The following RPA3 variants were observed in gnomAD, a reference collection of about 807,000 sequenced individuals.
RPA3 encodes the protein replication protein A 14 kDa subunit.
RPA3 carries 24 observed loss-of-function variants against 13.7 expected under a neutral mutation model. That is an observed-to-expected ratio of 1.75 (90% confidence interval 1.27 to 2.46). The LOEUF (loss-of-function observed/expected upper bound fraction) is 2.46, where lower values mean the gene tolerates loss of function less well. RPA3 is among the 30% of genes most tolerant of loss of function. The pLI is 0.00. For missense variants in RPA3, 183 were observed against 151.0 expected, an observed-to-expected ratio of 1.21 and a Z score of -1.11; for synonymous variants, 59 against 51.2, an observed-to-expected ratio of 1.15 and a Z score of -0.65.
intron 4 of RPA3, among the ~76,000 whole-genome samples, chr7:7,658,429 A>G (rs1785396731): frequency 6.6e-6 from 1 of 152,204 alleles, no homozygotes; most frequent in South Asian, 2.1e-4. Flanking sequence ...CCCATTCAGT[A>G]TGATATTGGC....
chr7:7,654,152 A>G (rs1375241296), intron 4 of RPA3, among the ~76,000 whole-genome samples: 1 of 152,204 alleles, frequency 6.6e-6, no homozygotes, highest in Non-Finnish European at 1.5e-5. Context: ...TAAAAAGAAA[A>G]CAAACACAGA....
At chr7:7,644,305 G>A (rs1015922863) in intron 4 of RPA3, among the ~76,000 whole-genome samples, 1 of 148,354 alleles carries the variant, frequency 6.7e-6, no homozygotes, top group Admixed American at 6.7e-5. Flanking sequence ...AATGGTACAA[G>A]TGTTGTCTGT....
At position 7,692,793 on chromosome 7, in the gene RPA3, A is replaced by G. The variant is rs557821266; in HGVS notation, c.-1027-5465T>C. Among the ~76,000 whole-genome samples, 308 of 152,168 alleles carry G rather than the reference A, an allele frequency of 2.0e-3. 2 individuals carry two copies. The Middle Eastern group carries it at 0.027, about 13-fold the overall frequency. On this transcript the variant is annotated intron_variant, in intron 2 of 7. Transcript: ENST00000223129. ...CCCAGCTAATTTTCGTATTTTTAGT[A>G]GAGACGGGGTTCACCATGTTGGTCA...
At chr7:7,677,541 A>G (rs540081876) in intron 4 of RPA3, among the ~76,000 whole-genome samples, 25 of 152,162 alleles carry the variant, frequency 1.6e-4, no homozygotes, top group Admixed American at 9.8e-4. Flanking sequence ...TTCACTTTAC[A>G]TGATCTCCTC....
At chr7:7,658,875 G>A (rs1207238757) in intron 4 of RPA3, among the ~76,000 whole-genome samples, 1 of 152,172 alleles carries the variant, frequency 6.6e-6, no homozygotes, top group African/African-American at 2.4e-5. Flanking sequence ...GTTTCAGAAG[G>A]AATGGTACCA....
chr7:7,693,408 G>T (rs891256137), intron 2 of RPA3, among the ~76,000 whole-genome samples: 1 of 151,784 alleles, frequency 6.6e-6, no homozygotes, highest in African/African-American at 2.4e-5. Context: ...CCTTCATTCT[G>T]CAATAGCTTA....
chr7:7,718,216 T>G (rs1220709780), intron 1 of RPA3, among the ~76,000 whole-genome samples: 1 of 152,208 alleles, frequency 6.6e-6, no homozygotes, highest in African/African-American at 2.4e-5. Context: ...GTAACTTGAA[T>G]GTGTTATTTT....
chr7:7,674,377 T>C (rs1364428433), intron 4 of RPA3, among the ~76,000 whole-genome samples: 1 of 152,186 alleles, frequency 6.6e-6, no homozygotes, highest in Non-Finnish European at 1.5e-5. Flanking sequence ...TTCCCTTAGA[T>C]TTAAGGGTAA....
At position 7,636,581 on chromosome 7, in the gene RPA3, G is replaced by T. The variant is rs1009821460; in HGVS notation, c.*419C>A. On this transcript the variant is annotated 3_prime_UTR_variant, in exon 8 of 8. Coordinates refer to ENST00000223129, the MANE Select transcript of RPA3 (RefSeq NM_002947.5). ...AAATAATTATCAAGGTATAGTTTGG[G>T]AAAAGGTGAGCAAATCCTTAACACA... is the stretch of plus-strand genomic sequence containing the variant. 5 of 158,084 alleles carry T rather than the reference G, an allele frequency of 3.2e-5. No individual in the cohort carries two copies. The highest frequency in any genetic ancestry group is 6.5e-5 in the Admixed American group (1 of 15,426). 9.8% of individuals were successfully genotyped at this position (158,084 alleles called of 1,614,324 possible).
At chr7:7,647,017 CACTAGTTTTGTGAAATT>C (rs1785112557) in intron 4 of RPA3, among the ~76,000 whole-genome samples, 1 of 152,208 alleles carries the variant, frequency 6.6e-6, no homozygotes. Flanking sequence ...GTATCAGTTA[CACTAGTTTTGTGAAATT>C]AGTGTGGAGT....
At chr7:7,714,249 G>A (rs1780836973) in intron 2 of RPA3, among the ~76,000 whole-genome samples, 1 of 152,172 alleles carries the variant, frequency 6.6e-6, no homozygotes, top group Non-Finnish European at 1.5e-5. Context: ...ATATTGACCA[G>A]CATTTCCAAC....
intron 4 of RPA3, among the ~76,000 whole-genome samples, chr7:7,658,774 T>A (rs1466967909): frequency 6.6e-6 from 1 of 152,210 alleles, no homozygotes; most frequent in Admixed American, 6.5e-5. Flanking sequence ...GAAATTTTCT[T>A]TTTTTGTTGT....
At chr7:7,637,111 A>G in intron 7 of RPA3, 29 bp from the exon 8 acceptor site, 1 of 1,433,118 alleles carries the variant, frequency 7.0e-7, no homozygotes, top group South Asian at 1.2e-5. Context: ...CAAACATTTA[A>G]TCTACAATGG....
At chr7:7,677,775 G>A (rs1423710601) in intron 4 of RPA3, among the ~76,000 whole-genome samples, 2 of 142,032 alleles carry the variant, frequency 1.4e-5, no homozygotes, top group East Asian at 2.1e-4. Context: ...CCAGGTTCAC[G>A]CCATTCTCCT....
chr7:7,639,181 C>G (rs1473346698), intron 5 of RPA3, 37 bp from the exon 6 acceptor site: 7 of 1,544,352 alleles, frequency 4.5e-6, no homozygotes, highest in Non-Finnish European at 6.2e-6. Context: ...CTCACTAAAA[C>G]AACAACAAAG....
At chr7:7,698,147 A>G (rs770022802) in intron 2 of RPA3, among the ~76,000 whole-genome samples, 12 of 152,228 alleles carry the variant, frequency 7.9e-5, no homozygotes, top group Non-Finnish European at 2.9e-5. Context: ...ACTAAGAATA[A>G]ACAGGTAGTT....
chr7:7,649,655 T>G (rs1047892467), intron 4 of RPA3, among the ~76,000 whole-genome samples: 2 of 151,888 alleles, frequency 1.3e-5, no homozygotes, highest in Non-Finnish European at 2.9e-5. Flanking sequence ...TCTGTGTTAA[T>G]TTGAATGTTA....
chr7:7,704,062 A>T (rs941987763), intron 2 of RPA3, among the ~76,000 whole-genome samples: 1 of 152,192 alleles, frequency 6.6e-6, no homozygotes, highest in African/African-American at 2.4e-5. Context: ...GGAATCCCAG[A>T]CATCTTCCTT....
chr7:7,671,028 C>T (rs771684224), intron 4 of RPA3, among the ~76,000 whole-genome samples: 10 of 152,120 alleles, frequency 6.6e-5, no homozygotes, highest in Non-Finnish European at 1.2e-4. Context: ...GGGCACTGGG[C>T]CTCCTTGGGG....
Sources: allele counts gnomAD v4.1 joint callset (sites outside exome capture counted in the v4.1 genomes callset), GRCh38; gene constraint gnomAD v4.1.1; transcripts MANE v1.5; gene names NCBI Gene and HGNC (gene_info 2026-07-23, HGNC 2026-07-21).